ASIC2: variants seen among roughly 807,000 people sequenced by gnomAD.
The protein encoded by ASIC2 is acid-sensing ion channel 2.
Under a neutral mutation model 57.3 loss-of-function variants are expected in ASIC2, and 25 were observed. That is an observed-to-expected ratio of 0.44 (90% CI 0.32 to 0.61). ASIC2 has a LOEUF of 0.61. ASIC2 is among the 20% of genes least tolerant of loss of function. ASIC2 has a pLI of 0.06. For missense variants in ASIC2, 641 were observed against 738.1 expected (o/e 0.87, Z 1.52); for synonymous variants, 319 against 307.5 (o/e 1.04, Z -0.39).
At chr17:33,739,985 A>C (rs189255355) in intron 1 of ASIC2, among the ~76,000 whole-genome samples, 7 of 150,952 alleles carry the variant, frequency 4.6e-5, no homozygotes, top group African/African-American at 1.7e-4. Flanking sequence ...GAAAGAAAGA[A>C]AAAAGAAAGA....
intron 1 of ASIC2, among the ~76,000 whole-genome samples, chr17:33,873,174 T>C (rs140908086): frequency 1.3e-5 from 2 of 152,294 alleles, no homozygotes; most frequent in Non-Finnish European, 2.9e-5. Flanking sequence ...TTCAATACAT[T>C]CTTTTTTTGG....
chr17:33,194,581 CA>C (rs1243921593), intron 1 of ASIC2, among the ~76,000 whole-genome samples: 8 of 152,148 alleles, frequency 5.3e-5, no homozygotes, highest in Non-Finnish European at 1.2e-4. Flanking sequence ...CTTGGATTTG[CA>C]GCACTGGAAT....
intron 1 of ASIC2, among the ~76,000 whole-genome samples, chr17:33,160,811 G>C (rs1487784705): frequency 2.0e-5 from 3 of 152,170 alleles, no homozygotes; most frequent in Admixed American, 6.5e-5. Flanking sequence ...TTCATGGCGG[G>C]GGGAGAGGCC....
At chr17:33,961,921 G>T (rs761863291) in intron 1 of ASIC2, among the ~76,000 whole-genome samples, 2 of 152,166 alleles carry the variant, frequency 1.3e-5, no homozygotes, top group African/African-American at 2.4e-5. Context: ...GCCAACTCAG[G>T]AAGCTACCTA....
At chr17:33,240,951 T>A (rs1035647448) in intron 1 of ASIC2, among the ~76,000 whole-genome samples, 1 of 152,188 alleles carries the variant, frequency 6.6e-6, no homozygotes, top group African/African-American at 2.4e-5. Flanking sequence ...TTACCGTTTA[T>A]GGAGTGCCTA....
intron 1 of ASIC2, chr17:33,290,770 G>C (rs1230313139): frequency 1.3e-5 from 2 of 152,190 alleles, no homozygotes; most frequent in Non-Finnish European, 2.9e-5. Flanking sequence ...TTTTGAAAAA[G>C]TAGCCAAAGC....
intron 1 of ASIC2, among the ~76,000 whole-genome samples, chr17:33,416,333 C>T (rs1336867674): frequency 6.6e-6 from 1 of 152,258 alleles, no homozygotes; most frequent in Non-Finnish European, 1.5e-5. Flanking sequence ...CACCATTCAT[C>T]ATGGCAGTTG....
At chr17:33,573,818 G>A (rs1274583587) in intron 1 of ASIC2, among the ~76,000 whole-genome samples, 2 of 152,090 alleles carry the variant, frequency 1.3e-5, no homozygotes, top group South Asian at 2.1e-4. Flanking sequence ...CACCCGCCTC[G>A]GCCTCCCAAA....
intron 3 of ASIC2, among the ~76,000 whole-genome samples, chr17:33,040,277 A>G (rs761257986): frequency 2.0e-5 from 3 of 152,228 alleles, no homozygotes; most frequent in Non-Finnish European, 4.4e-5. Context: ...TATGGTTCCA[A>G]TGAAGTCTCC....
intron 1 of ASIC2, among the ~76,000 whole-genome samples, chr17:33,967,191 C>G (rs1905099493): frequency 6.6e-6 from 1 of 152,094 alleles, no homozygotes; most frequent in Non-Finnish European, 1.5e-5. Flanking sequence ...AGCACCCACC[C>G]CCCAACCACC....
chr17:33,716,576 C>A (rs1432271126), intron 1 of ASIC2, among the ~76,000 whole-genome samples: 1 of 152,218 alleles, frequency 6.6e-6, no homozygotes, highest in Non-Finnish European at 1.5e-5. Flanking sequence ...TCTTTGCCAC[C>A]CTTCAAGATC....
At chr17:33,496,223 G>A (rs990506789) in intron 1 of ASIC2, among the ~76,000 whole-genome samples, 2 of 152,274 alleles carry the variant, frequency 1.3e-5, no homozygotes, top group East Asian at 3.9e-4. Flanking sequence ...CGGGCTATTG[G>A]AAGTAAACAT....
In ASIC2 at chr17:34,099,168, GAAAGAAAGAAAGAA is replaced by G. The variant is rs1567820976; in HGVS notation, c.555+56796_555+56809del. Among the ~76,000 whole-genome samples the G allele has an allele frequency of 8.9e-4, 6 of 6,760 alleles. No homozygotes were observed. In the East Asian group the frequency reaches 0.01, roughly 12 times the overall value. 4.4% of individuals were successfully genotyped at this position (6,760 alleles called of 152,430 possible). Reference sequence around the variant, plus strand: ...AGACAGAGAGAGAGAGAGAGAGAAAGAAAGAAAGAAAGAAAGAAAGAAAGAAAGAAAGAAAGAAA... The same window carrying G: ...AGACAGAGAGAGAGAGAGAGAGAAAGAGAAAGAAAGAAAGAAAGAAAGAAA... On this transcript the variant is annotated intron_variant, in intron 1 of 9. Transcript: ENST00000359872.
At chr17:33,968,074 AT>A (rs1905124180) in intron 1 of ASIC2, among the ~76,000 whole-genome samples, 1 of 152,150 alleles carries the variant, frequency 6.6e-6, no homozygotes, top group Admixed American at 6.5e-5. Context: ...CAATACCCGT[AT>A]TGTGCCAAGG....
At chr17:34,089,630 T>A (rs1200115965) in intron 1 of ASIC2, among the ~76,000 whole-genome samples, 1 of 152,182 alleles carries the variant, frequency 6.6e-6, no homozygotes, top group Non-Finnish European at 1.5e-5. Context: ...TATACTTCCC[T>A]CACCTCTCTG....
At chr17:33,818,444 C>T (rs988918420) in intron 1 of ASIC2, among the ~76,000 whole-genome samples, 6 of 152,186 alleles carry the variant, frequency 3.9e-5, no homozygotes, top group Admixed American at 1.3e-4. Context: ...GAAGCCAGCT[C>T]AGGTCATACA....
chr17:33,646,549 A>T (rs1906746664), intron 1 of ASIC2, among the ~76,000 whole-genome samples: 1 of 152,184 alleles, frequency 6.6e-6, no homozygotes, highest in Non-Finnish European at 1.5e-5. Flanking sequence ...AGACTTAGAG[A>T]CAGTGAGTCC....
At chr17:34,140,257 G>T (rs1232572815) in intron 1 of ASIC2, among the ~76,000 whole-genome samples, 2 of 152,164 alleles carry the variant, frequency 1.3e-5, no homozygotes, top group Non-Finnish European at 2.9e-5. Context: ...AGGGTAACAC[G>T]ACACAGGTTT....
Position 33,117,218 on chromosome 17 carries a change from G to A in ASIC2, c.709-5151C>T, listed in dbSNP as rs151169163. ...GACAGAGTCTCACTTTGTCACCCAG[G>A]CTGGAGTTCAGTGGCATGATCTCGG... is the stretch of plus-strand genomic sequence containing the variant. On this transcript the variant is annotated intron_variant, in intron 1 of 9. Coordinates refer to ENST00000225823, the MANE Select transcript of ASIC2 (RefSeq NM_183377.2). Among the ~76,000 whole-genome samples the A allele has an allele frequency of 3.5e-3, 525 of 151,824 alleles. 3 individuals are homozygous for A. The highest frequency in any genetic ancestry group is 0.011 in the African/African-American group (474 of 41,360).
Sources: allele counts gnomAD v4.1 joint callset (sites outside exome capture counted in the v4.1 genomes callset), GRCh38; gene constraint gnomAD v4.1.1; transcripts MANE v1.5; gene names NCBI Gene and HGNC (gene_info 2026-07-23, HGNC 2026-07-21).